Variants in CHRNB3 observed in about 807,000 individuals in gnomAD.
CHRNB3 encodes neuronal acetylcholine receptor subunit beta-3.
CHRNB3 carries 37 observed loss-of-function variants against 40.6 expected under a neutral mutation model. The ratio of observed to expected loss-of-function variants is 0.91; its 90% CI spans 0.70 to 1.20. The LOEUF is 1.20. Ranked by LOEUF, CHRNB3 falls within the 50% of genes most tolerant of loss-of-function variation. CHRNB3 has a pLI of 0.00. For missense variants in CHRNB3, 505 were observed against 551.2 expected (o/e 0.92, Z 0.84); for synonymous variants, 207 against 207.1 (o/e 1.00, Z 0.00).
intron 3 of CHRNB3, among the ~76,000 whole-genome samples, chr8:42,720,287 T>C (rs1454608861): frequency 6.6e-6 from 1 of 151,894 alleles, no homozygotes; most frequent in Non-Finnish European, 1.5e-5. Flanking sequence ...AGCTAATTTT[T>C]GTATTTTTAG....
At chr8:42,704,959 G>C (rs1048929525) in intron 1 of CHRNB3, among the ~76,000 whole-genome samples, 1 of 152,136 alleles carries the variant, frequency 6.6e-6, no homozygotes, top group Non-Finnish European at 1.5e-5. Flanking sequence ...GAAATTTGGA[G>C]ACCAATAGTA....
At chr8:42,729,656 G>A (rs891844635) in intron 3 of CHRNB3, among the ~76,000 whole-genome samples, 2 of 152,058 alleles carry the variant, frequency 1.3e-5, no homozygotes, top group Non-Finnish European at 2.9e-5. Flanking sequence ...TGACAAAGTT[G>A]GCATCACTGG....
At chr8:42,725,314 T>TGA (rs1453791581) in intron 3 of CHRNB3, among the ~76,000 whole-genome samples, 1 of 151,948 alleles carries the variant, frequency 6.6e-6, no homozygotes, top group Non-Finnish European at 1.5e-5. Flanking sequence ...GGTCTCAAAC[T>TGA]CCTGACCTCA....
At chr8:42,731,319 G>T (rs1367290763) in intron 4 of CHRNB3, among the ~76,000 whole-genome samples, 1 of 152,142 alleles carries the variant, frequency 6.6e-6, no homozygotes, top group Admixed American at 6.6e-5. Context: ...ACTTTGGGAG[G>T]CCGAGGCGGG....
rs1054449560 is a variant in CHRNB3, at chr8:42,710,582, T to C, written c.249+148T>C. ...AAGGGTCTATGGCTTTTATTTTCTG[T>C]TGTGAGTGTTGGGGAGCTGATCCTG... On this transcript the variant is annotated intron_variant, in intron 3 of 5. Coordinates refer to ENST00000289957, the MANE Select transcript of CHRNB3 (RefSeq NM_000749.5). 2.3e-5 allele frequency: 15 copies of C among 662,432 alleles called. 1 individual carries two copies. The South Asian group carries it at 2.4e-4, about 11-fold the overall frequency. The allele number at this position is 662,432 out of a possible 1,614,324, so 41.0% of individuals were successfully genotyped here. A position where few individuals can be genotyped will look rare whatever the true frequency, so the allele number is the denominator to read the frequency against.
intron 3 of CHRNB3, among the ~76,000 whole-genome samples, chr8:42,729,866 T>A (rs909709337): frequency 2.0e-5 from 3 of 152,156 alleles, no homozygotes; most frequent in Non-Finnish European, 2.9e-5. Context: ...CTCTTGACCT[T>A]CACAGTCTGA....
Position 42,731,721 on chromosome 8 carries a change from C to T in CHRNB3, c.414C>T (p.Asn138=), listed in dbSNP as rs770115090. The T allele has an allele frequency of 3.7e-6, 6 of 1,613,752 alleles. No homozygotes were observed. The highest frequency in any genetic ancestry group is 2.2e-5 in the South Asian group (2 of 91,030). Residue 138 remains asparagine, a synonymous_variant, in exon 5 of 6, where the codon AAC becomes AAT. Transcript: ENST00000289957. ...SLMTKVIVKS[N]GTVVWTPPAS... is the part of the protein sequence containing the mutation. Reference sequence around the variant, plus strand: ...TGACCAAGGTCATCGTGAAATCAAACGGAACTGTTGTCTGGACCCCTCCCG... The same window carrying T: ...TGACCAAGGTCATCGTGAAATCAAATGGAACTGTTGTCTGGACCCCTCCCG...
At chr8:42,735,897 T>C (rs899838415) in intron 5 of CHRNB3, among the ~76,000 whole-genome samples, 13 of 152,202 alleles carry the variant, frequency 8.5e-5, no homozygotes, top group African/African-American at 3.1e-4. Context: ...ATTCTTTTCA[T>C]ACGTGTATCA....
intron 5 of CHRNB3, among the ~76,000 whole-genome samples, chr8:42,732,890 C>G (rs1586412368): frequency 6.6e-6 from 1 of 151,996 alleles, no homozygotes; most frequent in East Asian, 1.9e-4. Context: ...TTTCATTTTT[C>G]ATTGGATGAT....
At chr8:42,731,536 T>A in intron 4 of CHRNB3, 131 bp from the exon 5 acceptor site, 1 of 1,035,470 alleles carries the variant, frequency 9.7e-7, no homozygotes, top group Non-Finnish European at 1.4e-6. Flanking sequence ...GCCCGGGCGA[T>A]AGAGTGAGAC....
At chr8:42,700,434 G>C (rs933885491) in intron 1 of CHRNB3, among the ~76,000 whole-genome samples, 1 of 151,986 alleles carries the variant, frequency 6.6e-6, no homozygotes, top group African/African-American at 2.4e-5. Flanking sequence ...GGATTCTCCT[G>C]CCTCAGCCTC....
intron 1 of CHRNB3, among the ~76,000 whole-genome samples, chr8:42,704,655 G>A (rs372257339): frequency 4.6e-5 from 7 of 151,996 alleles, no homozygotes; most frequent in Admixed American, 6.6e-5. Flanking sequence ...AAATTCTCCC[G>A]GCTCACAGTT....
intron 1 of CHRNB3, among the ~76,000 whole-genome samples, chr8:42,702,486 G>A (rs1479642661): frequency 2.6e-5 from 4 of 152,136 alleles, no homozygotes; most frequent in African/African-American, 7.2e-5. Context: ...TAAGCAAGGA[G>A]GCCAGGCACG....
At chr8:42,731,592 A>T in intron 4 of CHRNB3, 75 bp from the exon 5 acceptor site, 1 of 1,404,158 alleles carries the variant, frequency 7.1e-7, no homozygotes, top group Non-Finnish European at 9.7e-7. Context: ...AAACAGAAAT[A>T]GTCAATGCTG....
intron 3 of CHRNB3, among the ~76,000 whole-genome samples, chr8:42,714,009 C>T (rs903751348): frequency 1.3e-5 from 2 of 152,136 alleles, no homozygotes; most frequent in Non-Finnish European, 2.9e-5. Flanking sequence ...GTCATTGCGA[C>T]GTCCATTTGC....
rs1815768922 is a variant in CHRNB3, at chr8:42,700,338, T to C, written c.52+2740T>C. Among the ~76,000 whole-genome samples, 9 of 150,708 alleles carry C rather than the reference T, an allele frequency of 6.0e-5. No homozygotes were observed. In the South Asian group the frequency reaches 1.7e-3, roughly 28 times the overall value. ...CCTTGTTTTTTGTTTTTTGTGGTTT[T>C]TTTGAGACGGAATCTCGCTCTGTCA... On this transcript the variant is annotated intron_variant, in intron 1 of 5. Transcript: ENST00000289957.
Position 42,732,165 on chromosome 8 carries a change from C to T in CHRNB3, c.858C>T (p.Ile286=). ...TCCTTTTAGTGATTGAAGAAATCAT[C>T]CCATCGTCTTCCAAAGTCATTCCTC... ...TVFLLVIEEI[I]PSSSKVIPLI... The change falls in exon 5 of 6, where the codon ATC becomes ATT. Residue 286 remains isoleucine, a synonymous_variant. Coordinates refer to ENST00000289957, the MANE Select transcript of CHRNB3 (RefSeq NM_000749.5). 6.2e-7 allele frequency: 1 copy of T among 1,610,202 alleles called. No individual in the cohort carries two copies. Among genetic ancestry groups the T allele is most frequent in the African/African-American group, 1.3e-5 (1 of 74,700 alleles).
chr8:42,735,078 G>A (rs1816498868), intron 5 of CHRNB3, among the ~76,000 whole-genome samples: 1 of 151,810 alleles, frequency 6.6e-6, no homozygotes, highest in Non-Finnish European at 1.5e-5. Context: ...AAATTAGCCG[G>A]GCGTGGTGGC....
chr8:42,728,144 C>T (rs911912324), intron 3 of CHRNB3, among the ~76,000 whole-genome samples: 1 of 152,162 alleles, frequency 6.6e-6, no homozygotes, highest in Non-Finnish European at 1.5e-5. Context: ...CTTGATTAAA[C>T]ATTATGCACT....
Sources: gnomAD v4.1 joint callset for allele counts (sites outside exome capture counted in the v4.1 genomes callset) on GRCh38, gnomAD v4.1.1 for gene constraint, MANE v1.5 for transcripts, NCBI Gene and HGNC (gene_info 2026-07-23, HGNC 2026-07-21) for gene names.